The following TRIP6 variants were observed in gnomAD, a reference collection of about 807,000 sequenced individuals.
The protein encoded by TRIP6 is thyroid hormone receptor interactor 6, also known as thyroid receptor-interacting protein 6.
Under a neutral mutation model 51.9 loss-of-function variants are expected in TRIP6, and 33 were observed. The observed-to-expected ratio is 0.64, with a 90% confidence interval of 0.48 to 0.85. The LOEUF is 0.85. TRIP6 is among the 40% of genes least tolerant of loss of function. The probability of loss-of-function intolerance (pLI) is 0.00; values close to 1 mark genes in which losing one functional copy is unlikely to be tolerated. For missense variants in TRIP6, 661 were observed against 652.1 expected (o/e 1.01, Z -0.15); for synonymous variants, 255 against 275.8 (o/e 0.92, Z 0.75).
At position 100,867,523 on chromosome 7, in the gene TRIP6, CG is replaced by C. The variant is rs1378776648; in HGVS notation, c.27del (p.Lys10SerfsTer88). 6.6e-7 allele frequency: 1 copy of C among 1,513,486 alleles called. No individual in the cohort carries two copies. Among genetic ancestry groups the C allele is most frequent in the African/African-American group, 1.4e-5 (1 of 71,054 alleles). The allele number at this position is 1,513,486 out of a possible 1,614,324, so 93.8% of individuals were successfully genotyped here. ...ATGTCGGGGCCCACCTGGCTGCCCC[CG>C]AAGCAGCCGGAGCCCGCCAGAGCCC... MSGPTWLP[P>X]KQPEPARAPQ... On this transcript the variant is annotated frameshift_variant, in exon 1 of 9. Coordinates refer to ENST00000200457, the MANE Select transcript of TRIP6 (RefSeq NM_003302.3). LOFTEE classifies it high-confidence loss of function. This position sits in a 1 kb window ranked among gnomAD's most constrained non-coding sequence, Gnocchi z 5.4.
At chr7:100,870,852 C>T in intron 6 of TRIP6, 109 bp downstream of exon 6, 1 of 1,412,936 alleles carries the variant, frequency 7.1e-7, no homozygotes. Context: ...TGCTAAAAGC[C>T]AGGCGACTGA....
intron 6 of TRIP6, chr7:100,871,021 A>G (rs1006762411): frequency 1.6e-6 from 1 of 630,530 alleles, no homozygotes; most frequent in Non-Finnish European, 2.9e-6. Flanking sequence ...AGGTATTACT[A>G]CTGATTCCTG....
In TRIP6 at chr7:100,868,488, T is replaced by C; in HGVS notation, c.364-7T>C. 3 of 1,612,974 alleles carry C rather than the reference T, an allele frequency of 1.9e-6. No homozygotes were observed. Among genetic ancestry groups the C allele is most frequent in the Non-Finnish European group, 2.5e-6 (3 of 1,179,964 alleles). On this transcript the variant is annotated splice_polypyrimidine_tract_variant and splice_region_variant and intron_variant, in intron 3 of 8. Coordinates refer to ENST00000200457, the MANE Select transcript of TRIP6 (RefSeq NM_003302.3). ...GCTTACGACTTCTGGCCTGCGTTTC[T>C]CCTCAGGCATATGAGCCCCCGCCAC...
rs373143525 is a variant in TRIP6, at chr7:100,868,257, C to G, written c.363+24C>G. 8 of 1,602,280 alleles carry G rather than the reference C, an allele frequency of 5.0e-6. No individual in the cohort carries two copies. In the African/African-American group the frequency reaches 8.0e-5, roughly 16 times the overall value. ...AGGTGACTCTGCCCCTCCTCCCCGT[C>G]AGCACCCTGCCCCCTTCTCTGGACT... On this transcript the variant is annotated intron_variant, in intron 3 of 8. Transcript: ENST00000200457.
In TRIP6 at chr7:100,867,903, C is replaced by A. The variant is rs778962882; in HGVS notation, c.152C>A (p.Ser51Tyr). ...AGGGTCAATTTTTGCCCCCTTCCAT[C>A]TGAGCAGTGTTACCAGGCCCCAGGG... ...HPRVNFCPLPSEQCYQAPGGP... is the reference protein window; with the variant it reads ...HPRVNFCPLPYEQCYQAPGGP... The change falls in exon 2 of 9, where the codon TCT becomes TAT. Residue 51 changes from serine to tyrosine, a missense_variant. Ser to Tyr is a moderately radical substitution (Grantham distance 144, BLOSUM62 -2). Transcript: ENST00000200457. The surrounding 1 kb of genome is among the most constrained non-coding windows in gnomAD (Gnocchi z 5.4). 3.3e-6 allele frequency: 5 copies of A among 1,530,934 alleles called. No homozygotes were observed. The highest frequency in any genetic ancestry group is 2.8e-5 in the African/African-American group (2 of 71,256). 94.8% of individuals were successfully genotyped at this position (1,530,934 alleles called of 1,614,324 possible).
chr7:100,871,795 C>G (rs1356228539), intron 7 of TRIP6, 74 bp downstream of exon 7: 2 of 1,523,084 alleles, frequency 1.3e-6, no homozygotes, highest in African/African-American at 1.4e-5. Context: ...TGCCCCAGGA[C>G]TGTCTCTTCC....
chr7:100,867,823 C>T lies in TRIP6; in HGVS notation c.110-38C>T. On this transcript the variant is annotated intron_variant, in intron 1 of 8. Coordinates refer to ENST00000200457, the MANE Select transcript of TRIP6 (RefSeq NM_003302.3). The surrounding 1 kb of genome is among the most constrained non-coding windows in gnomAD (Gnocchi z 5.4). The stretch of plus-strand genomic sequence containing the variant: ...CTCAAATATACACCCCTCCTGTCCT[C>T]CGCCACCCCACCTTTGATTTCTCTT... The T allele has an allele frequency of 6.5e-7, 1 of 1,532,210 alleles. No homozygotes were observed. The highest frequency in any genetic ancestry group is 8.7e-7 in the Non-Finnish European group (1 of 1,148,424). The allele number at this position is 1,532,210 out of a possible 1,614,324, so 94.9% of individuals were successfully genotyped here. A position where few individuals can be genotyped will look rare whatever the true frequency, so the allele number is the denominator to read the frequency against.
At position 100,870,590 on chromosome 7, in the gene TRIP6, C is replaced by T. The variant is rs530661397; in HGVS notation, c.846C>T (p.Cys282=). ...TGTCCTCAGGCCAGTGTGGTGGCTG[C>T]GGAGAAGATGTGGTTGGGGATGGGG... The part of the protein sequence containing the change: ...SGEYFGQCGG[C]GEDVVGDGAG... Residue 282 remains cysteine, a synonymous_variant, in exon 6 of 9, where the codon TGC becomes TGT. Transcript: ENST00000200457. 8.1e-6 allele frequency: 13 copies of T among 1,613,840 alleles called. No individual in the cohort carries two copies. The highest frequency in any genetic ancestry group is 6.7e-5 in the East Asian group (3 of 44,878).
Position 100,869,632 on chromosome 7 carries a change from CAAAAAAAAAAA to C in TRIP6, c.736-724_736-714del, listed in dbSNP as rs757024618. 1.8e-3 allele frequency among the ~76,000 whole-genome samples: 69 copies of C among 37,634 alleles called. No homozygotes were observed. In the Middle Eastern group the frequency reaches 0.049, roughly 27 times the overall value. The allele number at this position is 37,634 out of a possible 152,430, so 24.7% of individuals were successfully genotyped here. A position where few individuals can be genotyped will look rare whatever the true frequency, so the allele number is the denominator to read the frequency against. On this transcript the variant is annotated intron_variant, in intron 4 of 8. Coordinates refer to ENST00000200457, the MANE Select transcript of TRIP6 (RefSeq NM_003302.3). ...GGGCAACAAGAGCAAAACTCTGTCT[CAAAAAAAAAAA>C]AAAAAAAAAAAAAGAACTGCCTACG... is the stretch of plus-strand genomic sequence containing the variant.
intron 6 of TRIP6, chr7:100,870,970 T>TA: frequency 2.9e-6 from 2 of 692,074 alleles, no homozygotes; most frequent in African/African-American, 1.8e-5. Context: ...ATCTTACAGT[T>TA]AAAGAGAATG....
At chr7:100,870,827 C>G (rs953657463) in intron 6 of TRIP6, 84 bp downstream of exon 6, 10 of 1,499,330 alleles carry the variant, frequency 6.7e-6, no homozygotes, top group Admixed American at 2.2e-5. Context: ...GCGTCCAAGA[C>G]CAAAGGAGGA....
At position 100,871,013 on chromosome 7, in the gene TRIP6, G is replaced by C. The variant is rs1243998857; in HGVS notation, c.999+270G>C. On this transcript the variant is annotated intron_variant, in intron 6 of 8. Transcript: ENST00000200457. The stretch of plus-strand genomic sequence containing the variant: ...TTCCCATGACACCCCTGTGAGGCAG[G>C]TATTACTACTGATTCCTGGTTTTGT... 4.6e-6 allele frequency: 3 copies of C among 645,220 alleles called. No individual in the cohort carries two copies. In the Admixed American group the frequency reaches 6.3e-5, roughly 14 times the overall value. The allele number at this position is 645,220 out of a possible 1,614,324, so 40.0% of individuals were successfully genotyped here.
Position 100,872,735 on chromosome 7 carries a change from C to G in TRIP6, c.1290C>G (p.Tyr430Ter), listed in dbSNP as rs1815299359. 4 of 1,613,980 alleles carry G rather than the reference C, an allele frequency of 2.5e-6. No individual in the cohort carries two copies. In the African/African-American group the frequency reaches 5.3e-5, roughly 22 times the overall value. The change falls in exon 8 of 9, where the codon TAC becomes TAG. Residue 430 changes from tyrosine (Y) to a stop codon, truncating the protein, a stop_gained. Coordinates refer to ENST00000200457, the MANE Select transcript of TRIP6 (RefSeq NM_003302.3). LOFTEE classifies it high-confidence loss of function. ...ALDRSFHIGC[Y>*]KCEECGLLLS... ...ATCGAAGTTTTCACATTGGCTGTTA[C>G]AAGTGCGAGGTCAGGGGCCCCCAGC...
intron 6 of TRIP6, 86 bp downstream of exon 6, chr7:100,870,829 AAAG>A: frequency 6.7e-7 from 1 of 1,496,268 alleles, no homozygotes; most frequent in African/African-American, 1.4e-5. Context: ...GTCCAAGACC[AAAG>A]GAGGAACGGT....
intron 7 of TRIP6, 107 bp from the exon 8 acceptor site, chr7:100,872,517 C>A: frequency 6.6e-7 from 1 of 1,515,428 alleles, no homozygotes; most frequent in Non-Finnish European, 9.0e-7. Flanking sequence ...TAAGGCCATA[C>A]CTCTGGCCTC....
chr7:100,868,873 C>T lies in TRIP6; in HGVS notation c.735+7C>T. Reference sequence around the variant, plus strand: ...AGGCGAGCACGGGCCCCAGGTGAGCCCTGGGGAACTGGGATTTCAGGCCCT... The same window carrying T: ...AGGCGAGCACGGGCCCCAGGTGAGCTCTGGGGAACTGGGATTTCAGGCCCT... On this transcript the variant is annotated splice_region_variant and intron_variant, in intron 4 of 8. Transcript: ENST00000200457. The T allele has an allele frequency of 6.7e-7, 1 of 1,492,774 alleles. No homozygotes were observed. The highest frequency in any genetic ancestry group is 8.9e-7 in the Non-Finnish European group (1 of 1,125,342). 92.5% of individuals were successfully genotyped at this position (1,492,774 alleles called of 1,614,324 possible). A position where few individuals can be genotyped will look rare whatever the true frequency, so the allele number is the denominator to read the frequency against.
rs1287500859 is a variant in TRIP6, at chr7:100,873,448, CA to C, written c.*149del. The C allele has an allele frequency of 8.0e-7, 1 of 1,249,092 alleles. No homozygotes were observed. The highest frequency in any genetic ancestry group is 1.1e-6 in the Non-Finnish European group (1 of 930,444). 77.4% of individuals were successfully genotyped at this position (1,249,092 alleles called of 1,614,324 possible). A position where few individuals can be genotyped will look rare whatever the true frequency, so the allele number is the denominator to read the frequency against. On this transcript the variant is annotated 3_prime_UTR_variant, in exon 9 of 9. Coordinates refer to ENST00000200457, the MANE Select transcript of TRIP6 (RefSeq NM_003302.3). ...AAGAAATAATAATCCCTCGAGTTTA[CA>C]AAACACTTCCAAGTCTGTTGTCTCA...
At chr7:100,872,326 C>T (rs1196286285) in intron 7 of TRIP6, among the ~76,000 whole-genome samples, 1 of 151,998 alleles carries the variant, frequency 6.6e-6, no homozygotes, top group Non-Finnish European at 1.5e-5. Flanking sequence ...AGCCACTGCA[C>T]CCAGTCTTCT....
chr7:100,868,145 G>A lies in TRIP6; in HGVS notation c.275G>A (p.Ser92Asn). 1 of 1,612,444 alleles carries A rather than the reference G, an allele frequency of 6.2e-7. No homozygotes were observed. Among genetic ancestry groups the A allele is most frequent in the Non-Finnish European group, 8.5e-7 (1 of 1,179,564 alleles). The change falls in exon 3 of 9, where the codon AGC (serine) becomes AAC (asparagine). Residue 92 changes from serine to asparagine, a missense_variant. Ser to Asn is a conservative substitution (Grantham distance 46, BLOSUM62 1). Transcript: ENST00000200457. ...GACAGGGGGGGCCTTCGCCCTGGAAGCCTGGACGCCGAGATAGACTTGCTG... is the reference window on the plus strand; with the variant it reads ...GACAGGGGGGGCCTTCGCCCTGGAAACCTGGACGCCGAGATAGACTTGCTG... ...PADRGGLRPG[S>N]LDAEIDLLSS...
Sources: gnomAD v4.1 joint callset for allele counts (sites outside exome capture counted in the v4.1 genomes callset) on GRCh38, gnomAD v4.1.1 for gene constraint, Gnocchi (gnomAD v3.1) non-coding constraint, MANE v1.5 for transcripts, NCBI Gene and HGNC (gene_info 2026-07-23, HGNC 2026-07-21) for gene names.